Variants in GPLD1 observed in about 807,000 individuals in gnomAD.
GPLD1 encodes the protein phosphatidylinositol-glycan-specific phospholipase D.
GPLD1 carries 84 observed loss-of-function variants against 112.6 expected under a neutral mutation model. The ratio of observed to expected loss-of-function variants is 0.75; its 90% confidence interval spans 0.63 to 0.89. The LOEUF (loss-of-function observed/expected upper bound fraction) is 0.89. Among genes scored for constraint, GPLD1 ranks in the 40% least tolerant of loss-of-function variants. The pLI, the probability that GPLD1 is intolerant of heterozygous loss-of-function variation, is 0.00. For synonymous variants in GPLD1, 386 were observed against 403.8 expected (o/e 0.96, Z 0.53); for missense variants, 1,044 against 1,051.5 (o/e 0.99, Z 0.10).
upstream of GPLD1, among the ~76,000 whole-genome samples, chr6:24,494,129 T>C (rs917227917): frequency 6.6e-6 from 1 of 152,246 alleles, no homozygotes; most frequent in African/African-American, 2.4e-5. Context: ...TTCCATTTAC[T>C]AGTTGGTGAC....
At chr6:24,481,888 G>A (rs2127368288) in intron 2 of GPLD1, among the ~76,000 whole-genome samples, 1 of 152,162 alleles carries the variant, frequency 6.6e-6, no homozygotes, top group East Asian at 1.9e-4. Flanking sequence ...AACTTTACTG[G>A]CTATTTACTT....
intron 7 of GPLD1, among the ~76,000 whole-genome samples, chr6:24,468,513 A>G (rs61280878): frequency 0.23 from 34,331 of 151,994 alleles, 5,633 homozygotes; most frequent in African/African-American, 0.46. Context: ...GAGTTGTCCC[A>G]TCTTTCTGGA....
intron 24 of GPLD1, among the ~76,000 whole-genome samples, chr6:24,432,506 C>T (rs970451195): frequency 6.6e-6 from 1 of 152,000 alleles, no homozygotes; most frequent in Admixed American, 6.6e-5. Flanking sequence ...GAGGCTGAGG[C>T]AGGAAAATCA....
At chr6:24,473,833 A>G (rs914985585) in intron 5 of GPLD1, among the ~76,000 whole-genome samples, 166 bp from the exon 6 acceptor site, 7 of 152,156 alleles carry the variant, frequency 4.6e-5, no homozygotes, top group African/African-American at 1.7e-4. Flanking sequence ...AAAAATAATA[A>G]TAATAAAAAG....
intron 4 of GPLD1, among the ~76,000 whole-genome samples, chr6:24,475,566 C>T (rs1410761794): frequency 1.4e-5 from 2 of 144,894 alleles, no homozygotes; most frequent in African/African-American, 2.6e-5. Flanking sequence ...ACACACAGGC[C>T]GGGCGCAGTG....
chr6:24,488,800 T>C (rs796239226), intron 1 of GPLD1, among the ~76,000 whole-genome samples: 1 of 152,198 alleles, frequency 6.6e-6, no homozygotes, highest in African/African-American at 2.4e-5. Flanking sequence ...CATCTCCCTA[T>C]ATCCAGGATG....
At chr6:24,467,426 G>A in intron 7 of GPLD1, 152 bp from the exon 8 acceptor site, 1 of 602,402 alleles carries the variant, frequency 1.7e-6, no homozygotes, top group Non-Finnish European at 2.9e-6. Context: ...TCCTAGCAAT[G>A]ACCTCAGGTG....
chr6:24,451,427 C>A (rs1385665751), intron 14 of GPLD1, among the ~76,000 whole-genome samples: 1 of 152,198 alleles, frequency 6.6e-6, no homozygotes, highest in African/African-American at 2.4e-5. Context: ...CAACCTCCGC[C>A]TCCTGGGTTC....
Position 24,462,737 on chromosome 6 carries a change from T to C in GPLD1, c.880A>G (p.Thr294Ala). Residue 294 changes from threonine (T) to alanine (A), a missense_variant, in exon 11 of 25, where the codon ACC (threonine) becomes GCC (alanine). Coordinates refer to ENST00000230036, the MANE Select transcript of GPLD1 (RefSeq NM_001503.4). ...FIACGGQQNH[T>A]QGSKMQKNDF... ...ATTTTGGAATCCACTTACCCCTGGG[T>C]GTGGTTTTGCTGGCCGCCACATGCA... 6.2e-7 allele frequency: 1 copy of C among 1,610,948 alleles called. No homozygotes were observed. The highest frequency in any genetic ancestry group is 2.2e-5 in the East Asian group (1 of 44,868).
chr6:24,427,460 A>G lies in GPLD1; in HGVS notation c.*1572T>C, dbSNP rs1023826846. 6.6e-6 allele frequency among the ~76,000 whole-genome samples: 1 copy of G among 152,188 alleles called. No individual in the cohort carries two copies. Among genetic ancestry groups the G allele is most frequent in the African/African-American group, 2.4e-5 (1 of 41,436 alleles). On this transcript the variant is annotated 3_prime_UTR_variant, in exon 25 of 25. Coordinates refer to ENST00000230036, the MANE Select transcript of GPLD1 (RefSeq NM_001503.4). ...TAGGTGTTAGAACAGCCAACTCTAC[A>G]AAAGTATTGGAGGGCACAGAAGGGT...
chr6:24,473,412 C>CA (rs1476939805), intron 6 of GPLD1: 1 of 368,864 alleles, frequency 2.7e-6, no homozygotes, highest in East Asian at 4.1e-5. Context: ...AATTTTTTAA[C>CA]AAAAAAATAC....
rs759629125 is a variant in GPLD1, at chr6:24,437,278, T to C, written c.2032A>G (p.Lys678Glu). 1.2e-6 allele frequency: 2 copies of C among 1,613,626 alleles called. No individual in the cohort carries two copies. The highest frequency in any genetic ancestry group is 1.7e-6 in the Non-Finnish European group (2 of 1,179,790). The change falls in exon 21 of 25, where the codon AAG becomes GAG. Residue 678 changes from lysine to glutamate, a missense_variant. Coordinates refer to ENST00000230036, the MANE Select transcript of GPLD1 (RefSeq NM_001503.4). ...VGAPTYDDVS[K>E]VAFLTVTLHQ... is the part of the protein sequence containing the mutation. The stretch of plus-strand genomic sequence containing the variant: ...AGGGTCACGGTCAGGAATGCCACCT[T>C]AGACACGTCATCTGAAACGAACCAC...
intron 24 of GPLD1, among the ~76,000 whole-genome samples, chr6:24,430,242 G>A (rs986347773): frequency 6.6e-6 from 1 of 152,090 alleles, no homozygotes; most frequent in Non-Finnish European, 1.5e-5. Flanking sequence ...CCTGGCCTTC[G>A]GCTTCACTCT....
chr6:24,424,228 T>TA (rs397967057), downstream of GPLD1: 13 of 151,418 alleles, frequency 8.6e-5, no homozygotes, highest in African/African-American at 2.9e-4. Flanking sequence ...CCCTTTTTTT[T>TA]ATAAAAGGTG....
upstream of GPLD1, among the ~76,000 whole-genome samples, chr6:24,492,501 G>T (rs1159754892): frequency 2.2e-5 from 1 of 44,872 alleles, no homozygotes; most frequent in Non-Finnish European, 4.0e-5. Context: ...GTAAGACCCT[G>T]ACTCAAAAAA....
chr6:24,462,977 C>T (rs553289190), intron 10 of GPLD1, among the ~76,000 whole-genome samples, 182 bp from the exon 11 acceptor site: 1 of 152,312 alleles, frequency 6.6e-6, no homozygotes, highest in East Asian at 1.9e-4. Flanking sequence ...ACGGTTGTCA[C>T]TATCATGGTA....
intron 20 of GPLD1, 139 bp from the exon 21 acceptor site, chr6:24,437,428 G>T: frequency 1.4e-6 from 1 of 714,756 alleles, no homozygotes; most frequent in Non-Finnish European, 2.3e-6. Context: ...ATCTCCGGCA[G>T]TCAGGGAGGT....
chr6:24,491,324 A>T (rs1469941905), upstream of GPLD1, among the ~76,000 whole-genome samples: 2 of 152,324 alleles, frequency 1.3e-5, no homozygotes, highest in East Asian at 3.9e-4. Context: ...CAGTCAATCA[A>T]TGGTTACAGG....
At position 24,466,726 on chromosome 6, in the gene GPLD1, T is replaced by C. The variant is rs1349820834; in HGVS notation, c.775A>G (p.Thr259Ala). Residue 259 changes from threonine (T) to alanine (A), a missense_variant, in exon 10 of 25, where the codon ACT becomes GCT. Physicochemically the swap from Thr to Ala is moderately conservative, Grantham distance 58. Transcript: ENST00000230036. ...GGLDDMAFWS[T>A]NIYHLTSFML... ...AAGCTTGTTAGATGGTAAATATTAG[T>C]GGACCAAAATGCCATATCATCCAGT... 2 of 1,611,922 alleles carry C rather than the reference T, an allele frequency of 1.2e-6. No individual in the cohort carries two copies. The highest frequency in any genetic ancestry group is 2.2e-5 in the East Asian group (1 of 44,858).
Sources: gnomAD v4.1 joint callset for allele counts (sites outside exome capture counted in the v4.1 genomes callset) on GRCh38, gnomAD v4.1.1 for gene constraint, MANE v1.5 for transcripts, NCBI Gene and HGNC (gene_info 2026-07-23, HGNC 2026-07-21) for gene names.